CACHD1: variants seen among roughly 807,000 people sequenced by gnomAD.
CACHD1 encodes cache domain containing 1, also known as VWFA and cache domain-containing protein 1.
CACHD1 carries 71 observed loss-of-function variants against 138.7 expected under a neutral mutation model. The ratio of observed to expected loss-of-function variants is 0.51; its 90% confidence interval spans 0.42 to 0.62. The LOEUF (loss-of-function observed/expected upper bound fraction) is 0.62. Ranked by LOEUF, CACHD1 falls within the 20% of genes least tolerant of loss-of-function variation. The pLI is 0.00. For synonymous variants in CACHD1, 578 were observed against 591.5 expected (o/e 0.98, Z 0.33); for missense variants, 1,389 against 1,625.3 (o/e 0.85, Z 2.50).
intron 26 of CACHD1, among the ~76,000 whole-genome samples, chr1:64,688,399 T>A (rs931003801): frequency 5.3e-5 from 8 of 152,174 alleles, no homozygotes; most frequent in African/African-American, 1.9e-4. Context: ...TTCTGGCTCC[T>A]GGTCTCTTAA....
intron 3 of CACHD1, among the ~76,000 whole-genome samples, chr1:64,595,442 T>G (rs1392680588): frequency 6.6e-6 from 1 of 152,108 alleles, no homozygotes; most frequent in Non-Finnish European, 1.5e-5. Flanking sequence ...AATAAATAAC[T>G]GTAAAGTGTG....
intron 1 of CACHD1, among the ~76,000 whole-genome samples, chr1:64,533,748 CTTTTTTTTTTTT>C (rs1553130304): frequency 7.7e-6 from 1 of 129,434 alleles, no homozygotes; most frequent in Admixed American, 8.1e-5. Flanking sequence ...TCTTCTCTCT[CTTTTTTTTTTTT>C]TTTTTTTGTG....
intron 1 of CACHD1, among the ~76,000 whole-genome samples, chr1:64,532,992 A>G (rs1315909387): frequency 6.6e-6 from 1 of 152,216 alleles, no homozygotes; most frequent in East Asian, 1.9e-4. Context: ...GACATGAATG[A>G]GTGAATTCTG....
At chr1:64,521,207 C>T (rs1012817535) in intron 1 of CACHD1, among the ~76,000 whole-genome samples, 2 of 152,092 alleles carry the variant, frequency 1.3e-5, no homozygotes, top group African/African-American at 4.8e-5. Flanking sequence ...TCTCAGTTTC[C>T]CTCCTAGCTG....
chr1:64,648,995 AAGAAGT>A (rs1428981046), intron 9 of CACHD1, among the ~76,000 whole-genome samples: 2 of 152,148 alleles, frequency 1.3e-5, no homozygotes, highest in Non-Finnish European at 2.9e-5. Context: ...AAGAAAATTG[AAGAAGT>A]AGCTAATTAT....
intron 2 of CACHD1, among the ~76,000 whole-genome samples, chr1:64,569,222 T>G (rs1646907586): frequency 6.6e-6 from 1 of 152,126 alleles, no homozygotes; most frequent in Admixed American, 6.6e-5. Context: ...CGCCCAGCCT[T>G]ATGCACAGTA....
rs1553146851 is a variant in CACHD1, at chr1:64,681,541, G to GGTTTTTTTTTTTTTTTTTT, written c.3484+206_3484+207insGTTTTTTTTTTTTTTTTTT. Among the ~76,000 whole-genome samples, 44 of 68,136 alleles carry GGTTTTTTTTTTTTTTTTTT rather than the reference G, an allele frequency of 6.5e-4. 7 individuals are homozygous for GGTTTTTTTTTTTTTTTTTT. Among genetic ancestry groups the GGTTTTTTTTTTTTTTTTTT allele is most frequent in the African/African-American group, 2.8e-3 (38 of 13,648 alleles). 44.7% of individuals were successfully genotyped at this position (68,136 alleles called of 152,430 possible). A position where few individuals can be genotyped will look rare whatever the true frequency, so the allele number is the denominator to read the frequency against. On this transcript the variant is annotated intron_variant, in intron 25 of 26. Transcript: ENST00000651257. ...AGAGAATCTCAAAAGATTTTATTGT[G>GGTTTTTTTTTTTTTTTTTT]TTTTTTTTTTTTTTTTTTTTTTTGC...
chr1:64,530,548 G>A (rs1002898484), intron 1 of CACHD1, among the ~76,000 whole-genome samples: 4 of 151,446 alleles, frequency 2.6e-5, no homozygotes, highest in Admixed American at 1.3e-4. Flanking sequence ...CATTATTAAC[G>A]AGCTGACTCT....
chr1:64,642,590 T>A (rs1423493253), intron 8 of CACHD1, among the ~76,000 whole-genome samples: 1 of 152,186 alleles, frequency 6.6e-6, no homozygotes, highest in East Asian at 1.9e-4. Flanking sequence ...ACTACTACAT[T>A]TTTTCCCTTC....
intron 2 of CACHD1, among the ~76,000 whole-genome samples, chr1:64,565,368 G>A (rs1646873554): frequency 6.6e-6 from 1 of 152,140 alleles, no homozygotes; most frequent in Admixed American, 6.6e-5. Flanking sequence ...CAAAAGAAAG[G>A]TTGAGAGGTA....
chr1:64,499,023 T>A (rs898231842), intron 1 of CACHD1, among the ~76,000 whole-genome samples: 2 of 152,202 alleles, frequency 1.3e-5, no homozygotes, highest in African/African-American at 4.8e-5. Context: ...GTATACATTC[T>A]TGAAGTAGTG....
intron 2 of CACHD1, among the ~76,000 whole-genome samples, chr1:64,552,558 C>A (rs146709583): frequency 1.3e-3 from 189 of 147,222 alleles, no homozygotes; most frequent in Non-Finnish European, 2.3e-3. Context: ...CATCCTTTAT[C>A]TTCCAGGCTT....
chr1:64,621,386 C>G (rs1311439146), intron 4 of CACHD1, among the ~76,000 whole-genome samples: 1 of 152,132 alleles, frequency 6.6e-6, no homozygotes, highest in East Asian at 1.9e-4. Flanking sequence ...CCCCTCTTCC[C>G]CTTTTTTTGT....
At chr1:64,606,121 A>ACACACACACACACACACACG (rs1240936849) in intron 4 of CACHD1, among the ~76,000 whole-genome samples, 2 of 151,916 alleles carry the variant, frequency 1.3e-5, no homozygotes, top group African/African-American at 4.8e-5. Flanking sequence ...ACACACACAC[A>ACACACACACACACACACACG]CACACACACG....
intron 1 of CACHD1, among the ~76,000 whole-genome samples, chr1:64,512,370 G>A (rs1036441663): frequency 5.4e-5 from 7 of 130,778 alleles, no homozygotes; most frequent in African/African-American, 6.4e-5. Context: ...CTCCAGCCTC[G>A]GTGACACAGT....
chr1:64,594,305 A>G (rs143352754), intron 3 of CACHD1, among the ~76,000 whole-genome samples: 42 of 151,848 alleles, frequency 2.8e-4, no homozygotes, highest in Non-Finnish European at 5.7e-4. Context: ...CTGGAGAGCC[A>G]GGTTTGGAAT....
chr1:64,620,917 G>C (rs1416763495), intron 4 of CACHD1, among the ~76,000 whole-genome samples: 1 of 152,110 alleles, frequency 6.6e-6, no homozygotes, highest in Non-Finnish European at 1.5e-5. Flanking sequence ...GGTTGGAGGA[G>C]GAATGGCCCT....
At chr1:64,653,386 TAAAAA>T (rs60661882) in intron 10 of CACHD1, among the ~76,000 whole-genome samples, 16 of 108,470 alleles carry the variant, frequency 1.5e-4, no homozygotes, top group African/African-American at 3.4e-4. Context: ...TAAAAGAAGT[TAAAAA>T]AAAAAAAAAA....
chr1:64,487,655 A>T (rs915691771), intron 1 of CACHD1, among the ~76,000 whole-genome samples: 1 of 152,174 alleles, frequency 6.6e-6, no homozygotes, highest in African/African-American at 2.4e-5. Flanking sequence ...GTAACTGATT[A>T]TCTACTTAGC....
Sources: gnomAD v4.1 joint callset for allele counts (sites outside exome capture counted in the v4.1 genomes callset) on GRCh38, gnomAD v4.1.1 for gene constraint, MANE v1.5 for transcripts, NCBI Gene and HGNC (gene_info 2026-07-23, HGNC 2026-07-21) for gene names.